Variants in CRACR2A observed in about 807,000 individuals in gnomAD.
The protein encoded by CRACR2A is EF-hand calcium-binding domain-containing protein 4B.
CRACR2A carries 79 observed loss-of-function variants against 90.5 expected under a neutral mutation model. The observed-to-expected ratio is 0.87, with a 90% confidence interval of 0.73 to 1.05. The LOEUF is 1.05. Among genes scored for constraint, CRACR2A ranks in the 50% least tolerant of loss-of-function variants. CRACR2A has a pLI of 0.00. For missense variants in CRACR2A, 823 were observed against 897.2 expected, an observed-to-expected ratio of 0.92 and a Z score of 1.06; for synonymous variants, 338 against 356.7, an observed-to-expected ratio of 0.95 and a Z score of 0.59.
At chr12:3,617,083 TG>T in intron 18 of CRACR2A, 53 bp from the exon 19 acceptor site, 2 of 1,370,294 alleles carry the variant, frequency 1.5e-6, no homozygotes, top group Non-Finnish European at 1.0e-6. Flanking sequence ...GAGGGGATTG[TG>T]GGGGGTGGTG....
intron 17 of CRACR2A, among the ~76,000 whole-genome samples, chr12:3,626,454 T>A (rs4765747): frequency 0.71 from 107,545 of 152,152 alleles, 38,635 homozygotes; most frequent in African/African-American, 0.85. Flanking sequence ...AGCAATTTGT[T>A]GCAGCATGAT....
chr12:3,695,835 T>C (rs1945729913), intron 4 of CRACR2A, among the ~76,000 whole-genome samples: 1 of 152,202 alleles, frequency 6.6e-6, no homozygotes, highest in Non-Finnish European at 1.5e-5. Flanking sequence ...CATGTTCAAG[T>C]GAAATCTTGA....
intron 17 of CRACR2A, among the ~76,000 whole-genome samples, chr12:3,625,109 A>G (rs186166855): frequency 1.3e-4 from 20 of 152,224 alleles, no homozygotes; most frequent in Non-Finnish European, 2.1e-4. Flanking sequence ...AAAAACTCAA[A>G]CTAGAAATCA....
chr12:3,654,317 T>G lies in CRACR2A; in HGVS notation c.941A>C (p.Glu314Ala). The change falls in exon 10 of 20, where the codon GAG becomes GCG. Residue 314 changes from glutamate (E) to alanine (A), a missense_variant. By Grantham distance (107) the Glu-to-Ala change is moderately radical. Transcript: ENST00000440314. ...AGTCCGCTCCAGCTCCCGGGCCAGC[T>G]CCTGGTTAGTGAGTTTCAGCTTGGT... The part of the protein sequence containing the change: ...ENTKLKLTNQ[E>A]LARELERTSW... 1 of 1,614,064 alleles carries G rather than the reference T, an allele frequency of 6.2e-7. No homozygotes were observed. Among genetic ancestry groups the G allele is most frequent in the South Asian group, 1.1e-5 (1 of 91,074 alleles).
intron 2 of CRACR2A, among the ~76,000 whole-genome samples, chr12:3,715,390 C>T (rs1946068898): frequency 6.6e-6 from 1 of 152,202 alleles, no homozygotes; most frequent in Non-Finnish European, 1.5e-5. Flanking sequence ...AAGATGGAGG[C>T]TGAGATTACA....
chr12:3,634,312 C>T (rs766926860), intron 14 of CRACR2A, among the ~76,000 whole-genome samples: 81 of 152,254 alleles, frequency 5.3e-4, no homozygotes, highest in African/African-American at 1.8e-3. Context: ...CCTCTCCGTC[C>T]ATCTTATCGG....
At chr12:3,723,654 C>T (rs1051648595) in intron 2 of CRACR2A, among the ~76,000 whole-genome samples, 1 of 152,018 alleles carries the variant, frequency 6.6e-6, no homozygotes, top group Admixed American at 6.5e-5. Flanking sequence ...CCACATCTCA[C>T]GTTAAGAGGC....
intron 2 of CRACR2A, among the ~76,000 whole-genome samples, chr12:3,715,676 A>G (rs1946073018): frequency 6.6e-6 from 1 of 152,196 alleles, no homozygotes; most frequent in African/African-American, 2.4e-5. Context: ...ATAAAAGGGG[A>G]CTTCAAAAAG....
chr12:3,692,021 C>CT (rs1333619814), intron 4 of CRACR2A, among the ~76,000 whole-genome samples: 2 of 152,216 alleles, frequency 1.3e-5, no homozygotes, highest in African/African-American at 4.8e-5. Flanking sequence ...GTTTTCTATA[C>CT]TGGCTATTTT....
intron 11 of CRACR2A, among the ~76,000 whole-genome samples, chr12:3,646,644 G>A (rs1365822218): frequency 4.6e-5 from 7 of 152,182 alleles, no homozygotes; most frequent in Non-Finnish European, 8.8e-5. Flanking sequence ...TATTTCACAA[G>A]TCCTGAGAAT....
chr12:3,714,562 C>T (rs550828592), intron 2 of CRACR2A, among the ~76,000 whole-genome samples: 4 of 152,236 alleles, frequency 2.6e-5, no homozygotes, highest in African/African-American at 9.6e-5. Flanking sequence ...ACCTGAGAAA[C>T]TCACTTAGAA....
intron 10 of CRACR2A, among the ~76,000 whole-genome samples, chr12:3,649,090 G>T (rs79039989): frequency 2.0e-5 from 3 of 151,732 alleles, no homozygotes; most frequent in Non-Finnish European, 4.4e-5. Flanking sequence ...TGGGGTGGGG[G>T]AAGGGGGGAG....
chr12:3,671,835 T>C (rs7963190), intron 7 of CRACR2A, among the ~76,000 whole-genome samples: 22,473 of 152,220 alleles, frequency 0.15, 1,840 homozygotes, highest in South Asian at 0.26. Context: ...CATGCATTAT[T>C]TCATTTAATA....
intron 17 of CRACR2A, among the ~76,000 whole-genome samples, chr12:3,625,960 T>G (rs1483204618): frequency 1.3e-5 from 2 of 152,136 alleles, no homozygotes; most frequent in Non-Finnish European, 2.9e-5. Context: ...ACTCCAAAGT[T>G]TAGAAAGGAA....
chr12:3,734,193 G>A (rs897844578), intron 1 of CRACR2A, among the ~76,000 whole-genome samples: 1 of 151,712 alleles, frequency 6.6e-6, no homozygotes, highest in African/African-American at 2.4e-5. Context: ...TAGCCAGGAT[G>A]GTCTCTATCT....
chr12:3,618,985 C>T (rs1024481361), intron 18 of CRACR2A, among the ~76,000 whole-genome samples: 4 of 152,162 alleles, frequency 2.6e-5, no homozygotes, highest in Non-Finnish European at 4.4e-5. Flanking sequence ...TAAACTATTG[C>T]TATCTTAGAA....
chr12:3,733,384 C>G (rs1052224174), intron 1 of CRACR2A, among the ~76,000 whole-genome samples, 174 bp from the exon 2 acceptor site: 5 of 152,230 alleles, frequency 3.3e-5, no homozygotes, highest in Non-Finnish European at 7.3e-5. Flanking sequence ...ACAGTGACCT[C>G]CTCCCCAGCT....
chr12:3,660,540 C>T (rs140293865), intron 7 of CRACR2A, among the ~76,000 whole-genome samples: 2,254 of 152,152 alleles, frequency 0.015, 38 homozygotes, highest in Middle Eastern at 0.041. Flanking sequence ...GTCATCCCCA[C>T]GGATGACCCT....
chr12:3,672,896 G>A, intron 7 of CRACR2A: 8 of 688,998 alleles, frequency 1.2e-5, no homozygotes, highest in Non-Finnish European at 1.4e-5. Context: ...GAGCGGCCAG[G>A]AGGAGGGACA....
Sources: gnomAD v4.1 joint callset for allele counts (sites outside exome capture counted in the v4.1 genomes callset) on GRCh38, gnomAD v4.1.1 for gene constraint, MANE v1.5 for transcripts, NCBI Gene and HGNC (gene_info 2026-07-23, HGNC 2026-07-21) for gene names.